Variants in B3GALT1 observed in about 807,000 individuals in gnomAD.
B3GALT1 encodes the protein beta-1,3-galactosyltransferase 1, also known as UDP-Gal:betaGlcNAc beta 1,3-galactosyltransferase, polypeptide 1.
A neutral mutation model predicts 23.2 loss-of-function variants in B3GALT1; 10 were observed. That is an observed-to-expected ratio of 0.43 (90% CI 0.27 to 0.73). The LOEUF is 0.73. Ranked by LOEUF, B3GALT1 falls within the 30% of genes least tolerant of loss-of-function variation. The pLI is 0.21. For missense variants in B3GALT1, 299 were observed against 405.4 expected (o/e 0.74, Z 2.25); for synonymous variants, 156 against 141.5 (o/e 1.10, Z -0.73).
chr2:167,369,537 T>A (rs1304708620), intron 1 of B3GALT1, among the ~76,000 whole-genome samples: 2 of 152,170 alleles, frequency 1.3e-5, no homozygotes, highest in African/African-American at 2.4e-5. Context: ...ATATTTTACA[T>A]CAACTCACTA....
At chr2:167,703,920 A>G (rs145557615) in intron 3 of B3GALT1, among the ~76,000 whole-genome samples, 2,127 of 152,124 alleles carry the variant, frequency 0.014, 50 homozygotes, top group African/African-American at 0.045. Context: ...GGTGGCTCAC[A>G]CCTGTAATCC....
intron 2 of B3GALT1, among the ~76,000 whole-genome samples, chr2:167,542,133 A>G (rs1683543183): frequency 1.3e-5 from 2 of 149,922 alleles, no homozygotes; most frequent in Non-Finnish European, 3.0e-5. Flanking sequence ...CATATTTTAT[A>G]TATTTTTTTA....
intron 3 of B3GALT1, among the ~76,000 whole-genome samples, chr2:167,747,436 A>G (rs934889517): frequency 1.3e-5 from 2 of 152,232 alleles, no homozygotes; most frequent in African/African-American, 4.8e-5. Flanking sequence ...GCTGACAGCA[A>G]TTTTTAAGAA....
At chr2:167,468,216 T>A (rs1363898696) in intron 1 of B3GALT1, among the ~76,000 whole-genome samples, 1 of 152,144 alleles carries the variant, frequency 6.6e-6, no homozygotes, top group Non-Finnish European at 1.5e-5. Flanking sequence ...TGATAAACAA[T>A]TTTTCAAAGT....
chr2:167,305,563 T>G (rs896421277), intron 1 of B3GALT1, among the ~76,000 whole-genome samples: 2 of 152,166 alleles, frequency 1.3e-5, no homozygotes, highest in Non-Finnish European at 2.9e-5. Context: ...TGTGTATTTA[T>G]TTTCACATTT....
intron 3 of B3GALT1, among the ~76,000 whole-genome samples, chr2:167,664,808 A>AT (rs1393250120): frequency 2.0e-5 from 3 of 151,190 alleles, no homozygotes; most frequent in African/African-American, 4.9e-5. Context: ...TTGTACATTG[A>AT]TTTTGTATCC....
At chr2:167,543,680 TAGG>T (rs1683574579) in intron 2 of B3GALT1, among the ~76,000 whole-genome samples, 2 of 152,056 alleles carry the variant, frequency 1.3e-5, no homozygotes, top group African/African-American at 4.8e-5. Flanking sequence ...AAGGATAAAA[TAGG>T]GGGAAAAAGT....
At chr2:167,581,890 G>A (rs1426621609) in intron 2 of B3GALT1, among the ~76,000 whole-genome samples, 2 of 152,070 alleles carry the variant, frequency 1.3e-5, no homozygotes, top group African/African-American at 2.4e-5. Context: ...AAATTTTTAG[G>A]TCTGCTTTCT....
chr2:167,706,325 A>C (rs1477865263), intron 3 of B3GALT1, among the ~76,000 whole-genome samples: 1 of 152,202 alleles, frequency 6.6e-6, no homozygotes, highest in Admixed American at 6.5e-5. Context: ...TAAAATTTCC[A>C]AAGGTTATCT....
intron 1 of B3GALT1, among the ~76,000 whole-genome samples, chr2:167,445,668 G>C (rs944821301): frequency 2.6e-5 from 4 of 152,124 alleles, no homozygotes; most frequent in Non-Finnish European, 2.9e-5. Context: ...TGTTTTATCA[G>C]ACACTAGGAT....
intron 3 of B3GALT1, among the ~76,000 whole-genome samples, chr2:167,771,399 G>A (rs1288475713): frequency 6.6e-6 from 1 of 152,124 alleles, no homozygotes; most frequent in African/African-American, 2.4e-5. Flanking sequence ...AGACCAGCCT[G>A]GCCAACATGG....
intron 1 of B3GALT1, among the ~76,000 whole-genome samples, chr2:167,343,575 CT>C (rs918687893): frequency 6.6e-6 from 1 of 152,082 alleles, no homozygotes; most frequent in Non-Finnish European, 1.5e-5. Context: ...AGAAAAACCT[CT>C]TTTTTTCCTG....
At chr2:167,838,639 T>A (rs1436133747) in intron 4 of B3GALT1, among the ~76,000 whole-genome samples, 1 of 152,256 alleles carries the variant, frequency 6.6e-6, no homozygotes, top group Admixed American at 6.5e-5. Context: ...ACTATTCCAA[T>A]CAATAGAAAA....
At chr2:167,327,795 G>T (rs1696917721) in intron 1 of B3GALT1, among the ~76,000 whole-genome samples, 1 of 152,122 alleles carries the variant, frequency 6.6e-6, no homozygotes, top group African/African-American at 2.4e-5. Flanking sequence ...TCCTTGTCTT[G>T]TTACAGTTCT....
At chr2:167,587,793 T>G (rs1684607200) in intron 2 of B3GALT1, among the ~76,000 whole-genome samples, 1 of 152,260 alleles carries the variant, frequency 6.6e-6, no homozygotes, top group South Asian at 2.1e-4. Flanking sequence ...CTAATTATTC[T>G]GTTTGCAAAT....
At chr2:167,372,314 T>C (rs1180116427) in intron 1 of B3GALT1, among the ~76,000 whole-genome samples, 1 of 152,068 alleles carries the variant, frequency 6.6e-6, no homozygotes, top group African/African-American at 2.4e-5. Context: ...TTAAAAAATT[T>C]CATAAAACTG....
chr2:167,566,392 C>T (rs146897541), intron 2 of B3GALT1, among the ~76,000 whole-genome samples: 1,655 of 151,528 alleles, frequency 0.011, 26 homozygotes, highest in African/African-American at 0.038. Context: ...AGGAGATATA[C>T]CTAATGCTAA....
At position 167,789,239 on chromosome 2, in the gene B3GALT1, G is replaced by C. The variant is rs78155407; in HGVS notation, c.-351-29433G>C. Among the ~76,000 whole-genome samples, 6 of 152,204 alleles carry C rather than the reference G, an allele frequency of 3.9e-5. No individual in the cohort carries two copies. In the East Asian group the frequency reaches 1.2e-3, roughly 29 times the overall value. On this transcript the variant is annotated intron_variant, in intron 3 of 4. Coordinates refer to ENST00000392690, the MANE Select transcript of B3GALT1 (RefSeq NM_020981.4). ...ATCACCATGTCTTTGTGGCTTTGTC[G>C]TATAGCCCTTTTCTCCTGATGACAG...
intron 3 of B3GALT1, among the ~76,000 whole-genome samples, chr2:167,672,388 C>T (rs1307394579): frequency 2.0e-5 from 3 of 152,078 alleles, no homozygotes; most frequent in Non-Finnish European, 4.4e-5. Context: ...TAAGAAAAAG[C>T]TTGGGTTTAC....
Sources: allele counts gnomAD v4.1 joint callset (sites outside exome capture counted in the v4.1 genomes callset), GRCh38; gene constraint gnomAD v4.1.1; transcripts MANE v1.5; gene names NCBI Gene and HGNC (gene_info 2026-07-23, HGNC 2026-07-21).